Variants in CDK14 observed in about 807,000 individuals in gnomAD.
CDK14 encodes cyclin-dependent kinase 14.
CDK14 carries 34 observed loss-of-function variants against 60.7 expected under a neutral mutation model. The ratio of observed to expected loss-of-function variants is 0.56; its 90% CI spans 0.43 to 0.75. CDK14 has a LOEUF of 0.75. Among genes scored for constraint, CDK14 ranks in the 30% least tolerant of loss-of-function variants. The probability of loss-of-function intolerance (pLI) is 0.00; values close to 1 mark genes in which losing one functional copy is unlikely to be tolerated. For synonymous variants in CDK14, 197 were observed against 203.7 expected (o/e 0.97, Z 0.28); for missense variants, 482 against 564.1 (o/e 0.85, Z 1.47).
intron 10 of CDK14, among the ~76,000 whole-genome samples, chr7:91,012,798 A>C (rs1206990672): frequency 6.6e-6 from 1 of 152,226 alleles, no homozygotes; most frequent in Non-Finnish European, 1.5e-5. Flanking sequence ...GATATATAGT[A>C]AATACTCCTC....
intron 10 of CDK14, among the ~76,000 whole-genome samples, chr7:91,020,104 G>A (rs2115868422): frequency 6.6e-6 from 1 of 152,276 alleles, no homozygotes; most frequent in African/African-American, 2.4e-5. Context: ...AAGGGCCAAT[G>A]GAAACCTGTG....
chr7:90,957,201 C>G (rs1161273457), intron 9 of CDK14, among the ~76,000 whole-genome samples: 1 of 151,794 alleles, frequency 6.6e-6, no homozygotes, highest in Admixed American at 6.6e-5. Flanking sequence ...CTGACTTCCA[C>G]AATGGTTGAA....
At chr7:90,924,390 C>CTTAA (rs1793349480) in intron 8 of CDK14, among the ~76,000 whole-genome samples, 1 of 151,984 alleles carries the variant, frequency 6.6e-6, no homozygotes, top group Non-Finnish European at 1.5e-5. Flanking sequence ...TAAGTTTCAA[C>CTTAA]TTGAGTTTTG....
intron 8 of CDK14, among the ~76,000 whole-genome samples, chr7:90,934,508 G>C (rs917100183): frequency 2.0e-5 from 3 of 152,198 alleles, no homozygotes; most frequent in Admixed American, 6.5e-5. Flanking sequence ...AAAAAGGCAG[G>C]CTCCTTTTGC....
chr7:90,885,258 G>A lies in CDK14; in HGVS notation c.640-14033G>A, dbSNP rs540231817. On this transcript the variant is annotated intron_variant, in intron 6 of 14. Coordinates refer to ENST00000380050, the MANE Select transcript of CDK14 (RefSeq NM_001287135.2). ...TTTACAGTAAAAAGACAACCCTCCC[G>A]AAAAAAGTGGGCAAAGGATATGAAC... Among the ~76,000 whole-genome samples, 206 of 151,922 alleles carry A rather than the reference G, an allele frequency of 1.4e-3. 2 individuals are homozygous for A. The highest frequency in any genetic ancestry group is 4.4e-3 in the South Asian group (21 of 4,812).
chr7:90,749,315 A>G (rs1803725166), intron 4 of CDK14, among the ~76,000 whole-genome samples: 2 of 152,082 alleles, frequency 1.3e-5, no homozygotes, highest in Non-Finnish European at 2.9e-5. Flanking sequence ...ATGCCCAGTC[A>G]GATCTCCAAG....
chr7:90,976,880 G>T (rs546112011), intron 9 of CDK14, among the ~76,000 whole-genome samples: 10 of 151,964 alleles, frequency 6.6e-5, no homozygotes, highest in Admixed American at 2.6e-4. Context: ...AATTTAAGTC[G>T]GTTGGGGAGA....
intron 3 of CDK14, among the ~76,000 whole-genome samples, chr7:90,741,482 A>G (rs570118991): frequency 2.9e-4 from 44 of 152,334 alleles, no homozygotes; most frequent in African/African-American, 1.0e-3. Context: ...ATGGAAGTTT[A>G]TGTGCAGTGG....
intron 5 of CDK14, among the ~76,000 whole-genome samples, chr7:90,811,944 G>C (rs545793368): frequency 6.6e-6 from 1 of 152,160 alleles, no homozygotes; most frequent in South Asian, 2.1e-4. Context: ...TTAGAATTGC[G>C]ATCATTAAAA....
chr7:90,879,439 A>G (rs902235613), intron 6 of CDK14, among the ~76,000 whole-genome samples: 3 of 152,060 alleles, frequency 2.0e-5, no homozygotes, highest in Admixed American at 1.3e-4. Flanking sequence ...AAAATTCTGG[A>G]TAGTGGGGAG....
At chr7:91,049,012 CTAACTA>C (rs1797313910) in intron 11 of CDK14, among the ~76,000 whole-genome samples, 1 of 151,736 alleles carries the variant, frequency 6.6e-6, no homozygotes, top group South Asian at 2.1e-4. Flanking sequence ...GTAGCTGGGA[CTAACTA>C]TAGGTGATGC....
Position 90,757,246 on chromosome 7 carries a change from G to C in CDK14, c.464+9471G>C, listed in dbSNP as rs573409341. On this transcript the variant is annotated intron_variant, in intron 4 of 14. Transcript: ENST00000380050. ...TGTGTGTGTGTGTGTGTGTGTGTGT[G>C]TGTGTCTGTGTGTGTCTGTGTCCAA... 2.1e-3 allele frequency among the ~76,000 whole-genome samples: 286 copies of C among 137,318 alleles called. 13 individuals are homozygous for C. In the East Asian group the frequency reaches 0.088, roughly 42 times the overall value. 90.1% of individuals were successfully genotyped at this position (137,318 alleles called of 152,430 possible).
At chr7:90,649,363 TC>T (rs1332455636) in intron 2 of CDK14, among the ~76,000 whole-genome samples, 65 of 33,966 alleles carry the variant, frequency 1.9e-3, no homozygotes, top group East Asian at 0.01. Flanking sequence ...CTTCCTTCCT[TC>T]CTTTCCTTCC....
intron 3 of CDK14, among the ~76,000 whole-genome samples, chr7:90,743,109 G>A (rs1320808683): frequency 6.6e-6 from 1 of 152,112 alleles, no homozygotes; most frequent in Non-Finnish European, 1.5e-5. Context: ...TCATGCTGAT[G>A]TTAAAAAAGT....
intron 3 of CDK14, among the ~76,000 whole-genome samples, chr7:90,729,352 T>G (rs1802765737): frequency 8.2e-6 from 1 of 122,468 alleles, no homozygotes; most frequent in Non-Finnish European, 1.7e-5. Flanking sequence ...AGGTTTTTTT[T>G]TTTTTTTTTT....
intron 8 of CDK14, among the ~76,000 whole-genome samples, chr7:90,921,533 T>G (rs537179625): frequency 6.6e-6 from 1 of 152,312 alleles, no homozygotes; most frequent in East Asian, 1.9e-4. Context: ...TTTTGCTCAC[T>G]GTTGTTTGCA....
intron 4 of CDK14, 35 bp downstream of exon 4, chr7:90,747,810 C>A: frequency 9.3e-7 from 1 of 1,080,590 alleles, no homozygotes; most frequent in Non-Finnish European, 1.3e-6. Context: ...TTCACATGTA[C>A]AGTGTATCTG....
At position 91,195,731 on chromosome 7, in the gene CDK14, G is replaced by T. The variant is rs144237536; in HGVS notation, c.*29-11434G>T. Among the ~76,000 whole-genome samples the T allele has an allele frequency of 3.2e-3, 485 of 152,284 alleles. 2 individuals carry two copies. Among genetic ancestry groups the T allele is most frequent in the African/African-American group, 0.011 (462 of 41,550 alleles). ...TTTACCCACAGACTTTACAGTGGCA[G>T]CTCAAGACTTCATGTATATGAAAAC... is the stretch of plus-strand genomic sequence containing the variant. On this transcript the variant is annotated intron_variant, in intron 14 of 14. Transcript: ENST00000380050.
At position 90,938,638 on chromosome 7, in the gene CDK14, T is replaced by C. The variant is rs545007109; in HGVS notation, c.827-17059T>C. Among the ~76,000 whole-genome samples, 4 of 152,348 alleles carry C rather than the reference T, an allele frequency of 2.6e-5. No individual in the cohort carries two copies. The East Asian group carries it at 5.8e-4, about 22-fold the overall frequency. On this transcript the variant is annotated intron_variant, in intron 8 of 14. Coordinates refer to ENST00000380050, the MANE Select transcript of CDK14 (RefSeq NM_001287135.2). The stretch of plus-strand genomic sequence containing the variant: ...ATAATAGTGCAACAATGAATGCTAA[T>C]GTAAGAAAACTATTTTTAGAAAAAG...
Sources: allele counts gnomAD v4.1 joint callset (sites outside exome capture counted in the v4.1 genomes callset), GRCh38; gene constraint gnomAD v4.1.1; transcripts MANE v1.5; gene names NCBI Gene and HGNC (gene_info 2026-07-23, HGNC 2026-07-21).